GPM6A: variants seen among roughly 807,000 people sequenced by gnomAD.
The protein encoded by GPM6A is neuronal membrane glycoprotein M6-a.
In GPM6A, 7 loss-of-function variants were observed where a neutral mutation model predicts 32.1. The ratio of observed to expected loss-of-function variants is 0.22; its 90% confidence interval spans 0.12 to 0.41. GPM6A has a LOEUF of 0.41. Ranked by LOEUF, GPM6A falls within the 10% of genes least tolerant of loss-of-function variation. GPM6A has a pLI of 1.00. For missense variants in GPM6A, 235 were observed against 347.2 expected (o/e 0.68, Z 2.57); for synonymous variants, 130 against 123.4 (o/e 1.05, Z -0.35).
chr4:175,741,094 C>A (rs957886419), intron 1 of GPM6A, among the ~76,000 whole-genome samples: 1 of 152,006 alleles, frequency 6.6e-6, no homozygotes, highest in African/African-American at 2.4e-5. Context: ...GGTTCTCCAA[C>A]GTATTCACAG....
intron 1 of GPM6A, among the ~76,000 whole-genome samples, chr4:175,838,725 G>A (rs186000668): frequency 5.6e-5 from 8 of 143,674 alleles, no homozygotes; most frequent in Admixed American, 1.4e-4. Flanking sequence ...TGCAATTTCG[G>A]CTCACCAGAA....
At chr4:175,918,157 G>GA (rs199882736) in intron 1 of GPM6A, among the ~76,000 whole-genome samples, 7,185 of 149,210 alleles carry the variant, frequency 0.048, 605 homozygotes, top group African/African-American at 0.17. Context: ...ACAGAAAAAT[G>GA]AAAAAAAAAG....
chr4:175,922,123 A>C (rs1240790266), intron 1 of GPM6A, among the ~76,000 whole-genome samples: 1 of 152,208 alleles, frequency 6.6e-6, no homozygotes, highest in Non-Finnish European at 1.5e-5. Context: ...TGGAGCTTCT[A>C]ATACATCAGG....
At chr4:175,919,027 G>T (rs1252734971) in intron 1 of GPM6A, among the ~76,000 whole-genome samples, 11 of 152,006 alleles carry the variant, frequency 7.2e-5, no homozygotes, top group Admixed American at 7.2e-4. Flanking sequence ...CTAATAAATT[G>T]ATATAAAACT....
At chr4:175,701,821 T>C in intron 1 of GPM6A, 54 bp from the exon 2 acceptor site, 1 of 1,370,348 alleles carries the variant, frequency 7.3e-7, no homozygotes, top group Non-Finnish European at 1.0e-6. Flanking sequence ...TAATTTAATT[T>C]TTTTTTTCAA....
At chr4:175,637,654 A>G (rs1191025312) in intron 6 of GPM6A, among the ~76,000 whole-genome samples, 1 of 18,948 alleles carries the variant, frequency 5.3e-5, no homozygotes, top group Non-Finnish European at 1.8e-4. Flanking sequence ...TATATAAAAT[A>G]TAAAATATAT....
chr4:175,792,418 A>C (rs2111279186), intron 1 of GPM6A, among the ~76,000 whole-genome samples: 1 of 152,308 alleles, frequency 6.6e-6, no homozygotes, highest in Non-Finnish European at 1.5e-5. Flanking sequence ...AAAATAATTA[A>C]ATGAAGAAAA....
At chr4:175,961,942 C>T in intron 1 of GPM6A, 3 of 467,654 alleles carry the variant, frequency 6.4e-6, no homozygotes, top group South Asian at 2.1e-5. Flanking sequence ...CAGGACAGGA[C>T]AGTGCTGCCC....
At chr4:175,790,855 A>G (rs1733985673) in intron 1 of GPM6A, among the ~76,000 whole-genome samples, 1 of 152,218 alleles carries the variant, frequency 6.6e-6, no homozygotes, top group Non-Finnish European at 1.5e-5. Flanking sequence ...AAAAGAGAGC[A>G]TAAATGTTAG....
At chr4:175,827,323 T>C (rs770832603) in intron 1 of GPM6A, among the ~76,000 whole-genome samples, 6 of 152,216 alleles carry the variant, frequency 3.9e-5, no homozygotes, top group Non-Finnish European at 8.8e-5. Context: ...TTAGAGCTTA[T>C]ATATGCCAAC....
chr4:175,712,936 A>T (rs969463977), intron 1 of GPM6A, among the ~76,000 whole-genome samples: 3 of 152,212 alleles, frequency 2.0e-5, no homozygotes, highest in African/African-American at 7.2e-5. Flanking sequence ...CAATATTGTG[A>T]TATCTTTAGT....
At chr4:175,895,995 A>T (rs986110797) in intron 1 of GPM6A, among the ~76,000 whole-genome samples, 12 of 152,178 alleles carry the variant, frequency 7.9e-5, no homozygotes, top group Admixed American at 3.3e-4. Flanking sequence ...ACCTTTACTA[A>T]GCAAAGTTGC....
chr4:175,679,996 G>A (rs1743590558), intron 2 of GPM6A, among the ~76,000 whole-genome samples: 1 of 152,172 alleles, frequency 6.6e-6, no homozygotes, highest in Non-Finnish European at 1.5e-5. Context: ...TCGGGACCAA[G>A]ATGTGGTGCT....
chr4:175,910,246 T>C (rs914322592), intron 1 of GPM6A, among the ~76,000 whole-genome samples: 2 of 152,200 alleles, frequency 1.3e-5, no homozygotes, highest in African/African-American at 4.8e-5. Context: ...TTCTACCATA[T>C]GTCTTCTCTG....
chr4:175,900,273 TA>T (rs34011904), intron 1 of GPM6A, among the ~76,000 whole-genome samples: 33,768 of 115,988 alleles, frequency 0.29, 4,388 homozygotes, highest in Admixed American at 0.4. Flanking sequence ...GACTCTGTCT[TA>T]AAAAAAAAAA....
intron 3 of GPM6A, among the ~76,000 whole-genome samples, chr4:175,666,687 AG>A: frequency 6.6e-6 from 1 of 152,186 alleles, no homozygotes; most frequent in Non-Finnish European, 1.5e-5. Context: ...GCATACTGGA[AG>A]GGTAGTTGAG....
chr4:175,983,876 G>A (rs969107780), intron 1 of GPM6A, among the ~76,000 whole-genome samples: 1 of 152,054 alleles, frequency 6.6e-6, no homozygotes, highest in Non-Finnish European at 1.5e-5. Flanking sequence ...TTAAATGGCG[G>A]GTCAGACTCC....
chr4:175,844,710 T>C (rs1017871874), intron 1 of GPM6A, among the ~76,000 whole-genome samples: 2 of 152,210 alleles, frequency 1.3e-5, no homozygotes, highest in Non-Finnish European at 2.9e-5. Context: ...AGAAGTCTTG[T>C]AGCTTAAACA....
chr4:175,696,130 T>C (rs570650343), intron 2 of GPM6A, among the ~76,000 whole-genome samples: 1 of 152,308 alleles, frequency 6.6e-6, no homozygotes, highest in East Asian at 1.9e-4. Flanking sequence ...ATCATAATAA[T>C]AAACACTTGT....
Sources: gnomAD v4.1 joint callset for allele counts (sites outside exome capture counted in the v4.1 genomes callset) on GRCh38, gnomAD v4.1.1 for gene constraint, MANE v1.5 for transcripts, NCBI Gene and HGNC (gene_info 2026-07-23, HGNC 2026-07-21) for gene names.